Variants in JDP2 observed in about 807,000 individuals in gnomAD.
JDP2 encodes the protein progesterone receptor co-activator.
Under a neutral mutation model 17.1 loss-of-function variants are expected in JDP2, and 9 were observed. The ratio of observed to expected loss-of-function variants is 0.53; its 90% CI spans 0.32 to 0.92. The LOEUF is 0.92. Ranked by LOEUF, JDP2 falls within the 40% of genes least tolerant of loss-of-function variation. JDP2 has a pLI of 0.04. For synonymous variants in JDP2, 107 were observed against 95.6 expected, an observed-to-expected ratio of 1.12 and a Z score of -0.69; for missense variants, 179 against 220.0, an observed-to-expected ratio of 0.81 and a Z score of 1.18.
chr14:75,460,013 A>G (rs1566746483), intron 2 of JDP2, among the ~76,000 whole-genome samples: 1 of 152,260 alleles, frequency 6.6e-6, no homozygotes, highest in Non-Finnish European at 1.5e-5. Context: ...GTAAAATGGT[A>G]CAGTAATAGT....
At chr14:75,459,126 A>G (rs571477175) in intron 2 of JDP2, among the ~76,000 whole-genome samples, 1 of 152,206 alleles carries the variant, frequency 6.6e-6, no homozygotes, top group Admixed American at 6.5e-5. Context: ...AGGGGAGGAC[A>G]CAAGGCCTTG....
intron 1 of JDP2, among the ~76,000 whole-genome samples, chr14:75,433,684 G>A (rs565043051): frequency 1.1e-4 from 17 of 151,368 alleles, no homozygotes; most frequent in East Asian, 3.9e-4. Context: ...TCTGAACCTC[G>A]TCTGTCTGAT....
chr14:75,432,269 C>T, intron 1 of JDP2: 4 of 1,529,948 alleles, frequency 2.6e-6, no homozygotes, highest in Non-Finnish European at 3.5e-6. Context: ...AGAGAGAGGT[C>T]ATCCTGGGTG....
intron 2 of JDP2, among the ~76,000 whole-genome samples, chr14:75,444,640 G>A (rs1181536548): frequency 1.3e-5 from 2 of 152,216 alleles, no homozygotes; most frequent in Non-Finnish European, 2.9e-5. Context: ...TGCACATGGT[G>A]ACTGGATCCA....
chr14:75,458,470 T>G (rs1886212656), intron 2 of JDP2, among the ~76,000 whole-genome samples: 1 of 152,190 alleles, frequency 6.6e-6, no homozygotes. Context: ...TAACCTGAGC[T>G]CCATCTATGT....
Position 75,428,760 on chromosome 14 carries a change from G to T in JDP2, c.-24+508G>T, listed in dbSNP as rs995635771. 2.0e-5 allele frequency among the ~76,000 whole-genome samples: 3 copies of T among 152,184 alleles called. No homozygotes were observed. Among genetic ancestry groups the T allele is most frequent in the African/African-American group, 7.2e-5 (3 of 41,450 alleles). On this transcript the variant is annotated intron_variant, in intron 1 of 3. Coordinates refer to ENST00000651602, the MANE Select transcript of JDP2 (RefSeq NM_001135048.2). The surrounding 1 kb of genome is among the most constrained non-coding windows in gnomAD (Gnocchi z 5.6). Reference sequence around the variant, plus strand: ...AGGAAGCGCGACTCCCGGAGGACCCGGACCCGGAGGAGAGTATTGAGAAGG... The same window carrying T: ...AGGAAGCGCGACTCCCGGAGGACCCTGACCCGGAGGAGAGTATTGAGAAGG...
rs916882243 is a variant in JDP2, at chr14:75,472,071, G to T, written c.*2596G>T. Reference sequence around the variant, plus strand: ...ACCACACCAGTGACTTGTGCTGTGCGGAGCCTTCCTCACCAGGACCACTGG... The same window carrying T: ...ACCACACCAGTGACTTGTGCTGTGCTGAGCCTTCCTCACCAGGACCACTGG... On this transcript the variant is annotated 3_prime_UTR_variant, in exon 4 of 4. Coordinates refer to ENST00000651602, the MANE Select transcript of JDP2 (RefSeq NM_001135048.2). 6.6e-6 allele frequency: 1 copy of T among 152,184 alleles called. No individual in the cohort carries two copies. Among genetic ancestry groups the T allele is most frequent in the Non-Finnish European group, 1.5e-5 (1 of 68,062 alleles). The allele number at this position is 152,184 out of a possible 1,614,324, so 9.4% of individuals were successfully genotyped here. A position where few individuals can be genotyped will look rare whatever the true frequency, so the allele number is the denominator to read the frequency against.
In JDP2 at chr14:75,472,046, A is replaced by T. The variant is rs75030865; in HGVS notation, c.*2571A>T. The T allele has an allele frequency of 1.3e-5, 2 of 151,490 alleles. No homozygotes were observed. Among genetic ancestry groups the T allele is most frequent in the African/African-American group, 2.4e-5 (1 of 41,158 alleles). The allele number at this position is 151,490 out of a possible 1,614,324, so 9.4% of individuals were successfully genotyped here. ...TGCAGGTGGGCTGTCTTCCAAAGTCACCACACCAGTGACTTGTGCTGTGCG... is the reference window on the plus strand; with the variant it reads ...TGCAGGTGGGCTGTCTTCCAAAGTCTCCACACCAGTGACTTGTGCTGTGCG... On this transcript the variant is annotated 3_prime_UTR_variant, in exon 4 of 4. Transcript: ENST00000651602.
intron 2 of JDP2, among the ~76,000 whole-genome samples, chr14:75,442,928 C>T (rs1885420883): frequency 6.6e-6 from 1 of 152,138 alleles, no homozygotes; most frequent in Non-Finnish European, 1.5e-5. Flanking sequence ...TCGGTGCATA[C>T]GTATCATTGT....
intron 1 of JDP2, among the ~76,000 whole-genome samples, chr14:75,433,223 AAT>A (rs1176614287): frequency 0.01 from 1,375 of 137,070 alleles, 81 homozygotes; most frequent in African/African-American, 0.029. Flanking sequence ...AAAAAAAAAA[AAT>A]GTAAGGGGTT....
chr14:75,428,159 T>C lies in JDP2; in HGVS notation c.-117T>C, dbSNP rs1400347844. The C allele has an allele frequency of 2.1e-5, 3 of 144,278 alleles. No homozygotes were observed. The East Asian group carries it at 6.2e-4, about 30-fold the overall frequency. The allele number at this position is 144,278 out of a possible 1,614,324, so 8.9% of individuals were successfully genotyped here. A position where few individuals can be genotyped will look rare whatever the true frequency, so the allele number is the denominator to read the frequency against. ...GACAGGCCTGGGCACCGGGCGGAGC[T>C]CCGCGGCCGGGCGGCAGCGGCGCGG... is the stretch of plus-strand genomic sequence containing the variant. On this transcript the variant is annotated 5_prime_UTR_variant, in exon 1 of 4. Transcript: ENST00000651602. The surrounding 1 kb of genome is among the most constrained non-coding windows in gnomAD (Gnocchi z 5.6).
At chr14:75,464,590 G>A (rs961720117) in intron 3 of JDP2, among the ~76,000 whole-genome samples, 1 of 152,194 alleles carries the variant, frequency 6.6e-6, no homozygotes, top group Non-Finnish European at 1.5e-5. Context: ...TCGGATTTTG[G>A]TATCCTCGGG....
At chr14:75,444,705 T>C (rs1343907870) in intron 2 of JDP2, among the ~76,000 whole-genome samples, 2 of 152,252 alleles carry the variant, frequency 1.3e-5, no homozygotes, top group Non-Finnish European at 2.9e-5. Context: ...GTGTGAAAGA[T>C]GACCTTGACT....
intron 3 of JDP2, among the ~76,000 whole-genome samples, chr14:75,466,301 C>T (rs900924492): frequency 2.0e-5 from 3 of 152,118 alleles, no homozygotes; most frequent in African/African-American, 7.2e-5. Context: ...ATTAGCCAGG[C>T]GTGGTGGCAC....
intron 2 of JDP2, among the ~76,000 whole-genome samples, chr14:75,454,132 C>T (rs73301657): frequency 1.3e-5 from 2 of 152,166 alleles, no homozygotes; most frequent in African/African-American, 4.8e-5. Context: ...CTGAGAAACA[C>T]GGAAATGGGT....
chr14:75,467,915 C>T (rs1355989979), intron 3 of JDP2, among the ~76,000 whole-genome samples: 1 of 152,122 alleles, frequency 6.6e-6, no homozygotes, highest in Non-Finnish European at 1.5e-5. Flanking sequence ...GTCACGAGGC[C>T]TGCCCGTCTC....
chr14:75,466,268 C>G (rs1005328980), intron 3 of JDP2, among the ~76,000 whole-genome samples: 7 of 152,194 alleles, frequency 4.6e-5, no homozygotes, highest in African/African-American at 1.7e-4. Context: ...TAGTGAAACC[C>G]TGTCTCTACT....
chr14:75,465,887 CAG>C (rs1886551758), intron 3 of JDP2, among the ~76,000 whole-genome samples: 2 of 152,170 alleles, frequency 1.3e-5, no homozygotes, highest in Non-Finnish European at 2.9e-5. Flanking sequence ...AAATATCTAA[CAG>C]AAGTCAAAAC....
intron 2 of JDP2, among the ~76,000 whole-genome samples, chr14:75,441,104 C>T (rs1459670206): frequency 6.6e-6 from 1 of 152,064 alleles, no homozygotes; most frequent in East Asian, 1.9e-4. Flanking sequence ...TGCAGCCTTA[C>T]TGTCTCCTAG....
Sources: gnomAD v4.1 joint callset for allele counts (sites outside exome capture counted in the v4.1 genomes callset) on GRCh38, gnomAD v4.1.1 for gene constraint, Gnocchi (gnomAD v3.1) non-coding constraint, MANE v1.5 for transcripts, NCBI Gene and HGNC (gene_info 2026-07-23, HGNC 2026-07-21) for gene names.